Variants in ANKRD17 observed in about 807,000 individuals in gnomAD.
The protein encoded by ANKRD17 is ankyrin repeat domain-containing protein 17.
A neutral mutation model predicts 229.7 loss-of-function variants in ANKRD17; 19 were observed. That is an observed-to-expected ratio of 0.08 (90% CI 0.06 to 0.12). ANKRD17 has a LOEUF of 0.12. Among genes scored for constraint, ANKRD17 ranks in the 10% least tolerant of loss-of-function variants. The pLI is 1.00. For missense variants in ANKRD17, 2,176 were observed against 3,176.8 expected, an observed-to-expected ratio of 0.68 and a Z score of 7.57; for synonymous variants, 1,112 against 1,146.1, an observed-to-expected ratio of 0.97 and a Z score of 0.60.
Position 73,094,239 on chromosome 4 carries a change from G to A in ANKRD17, c.5178-11C>T, listed in dbSNP as rs1723063378. Reference sequence around the variant, plus strand: ...GATACTTTCTTTGACCTGTTTAAAAGTTGTATATATAAATTAAGATTAGTC... The same window carrying A: ...GATACTTTCTTTGACCTGTTTAAAAATTGTATATATAAATTAAGATTAGTC... On this transcript the variant is annotated splice_polypyrimidine_tract_variant and intron_variant, in intron 27 of 33. Transcript: ENST00000358602. 6.2e-7 allele frequency: 1 copy of A among 1,606,370 alleles called. No homozygotes were observed. The highest frequency in any genetic ancestry group is 8.5e-7 in the Non-Finnish European group (1 of 1,174,442).
At chr4:73,106,782 G>A (rs1207687401) in intron 24 of ANKRD17, among the ~76,000 whole-genome samples, 1 of 150,414 alleles carries the variant, frequency 6.6e-6, no homozygotes, top group Non-Finnish European at 1.5e-5. Flanking sequence ...GGCAGGCTGA[G>A]GCAGGAGAAT....
rs78306484 is a variant in ANKRD17, at chr4:73,160,057, C to T, written c.704+1135G>A. On this transcript the variant is annotated intron_variant, in intron 3 of 33. Transcript: ENST00000358602. ...AACCCAAATAGAATATTCAGATGTT[C>T]TCAATTGTTTTAAGGCAATTGCTAA... Among the ~76,000 whole-genome samples the T allele has an allele frequency of 3.3e-3, 499 of 152,200 alleles. 1 individual carries two copies. Among genetic ancestry groups the T allele is most frequent in the Non-Finnish European group, 5.2e-3 (354 of 67,998 alleles).
Position 73,078,653 on chromosome 4 carries a change from C to T in ANKRD17, c.7397G>A (p.Gly2466Asp). 6.2e-7 allele frequency: 1 copy of T among 1,614,108 alleles called. No homozygotes were observed. The highest frequency in any genetic ancestry group is 2.2e-5 in the East Asian group (1 of 44,880). ...ACAGAATATCCTACCTTGATTGCCA[C>T]CAATCCCTTCAAAGGACCAGATGCC... The part of the protein sequence containing the change: ...HSGIWSFEGI[G>D]GNQDKVDWCN... The change falls in exon 31 of 34, where the codon GGT (glycine) becomes GAT (aspartate). Residue 2466 changes from glycine (G) to aspartate (D), a missense_variant. Coordinates refer to ENST00000358602, the MANE Select transcript of ANKRD17 (RefSeq NM_032217.5).
chr4:73,116,577 T>C (rs28776801), intron 22 of ANKRD17, among the ~76,000 whole-genome samples: 34,583 of 152,058 alleles, frequency 0.23, 5,257 homozygotes, highest in African/African-American at 0.43. Flanking sequence ...ATATTTTTTC[T>C]ATTGCCTCTA....
chr4:73,091,615 T>G lies in ANKRD17; in HGVS notation c.6013A>C (p.Thr2005Pro). The part of the protein sequence containing the change: ...RRQLFVTVVK[T>P]SNATTTTVTT... ...ACTGTTGTTGTGGTGGCATTGGATG[T>G]CTTCACAACTGTGACAAAAAGCTGC... is the stretch of plus-strand genomic sequence containing the variant. The change falls in exon 29 of 34, where the codon ACA becomes CCA. Residue 2005 changes from threonine (T) to proline (P), a missense_variant. Thr to Pro is a conservative substitution (Grantham distance 38). This residue lies in a region of ANKRD17 where 424 missense variants were observed against 454.0 expected (regional missense o/e 0.93). Transcript: ENST00000358602. The G allele has an allele frequency of 6.2e-7, 1 of 1,614,204 alleles. No homozygotes were observed.
chr4:73,172,906 T>C (rs371432173), intron 2 of ANKRD17, among the ~76,000 whole-genome samples: 1 of 152,168 alleles, frequency 6.6e-6, no homozygotes, highest in African/African-American at 2.4e-5. Flanking sequence ...AAGTTAACAA[T>C]ACAAAACAAC....
chr4:73,214,772 G>A (rs1740779080), intron 1 of ANKRD17, among the ~76,000 whole-genome samples: 1 of 146,616 alleles, frequency 6.8e-6, no homozygotes, highest in South Asian at 2.1e-4. Flanking sequence ...AGGAGCCTGA[G>A]ACTCCTAAAA....
chr4:73,154,116 A>G lies in ANKRD17; in HGVS notation c.1001-3T>C. The G allele has an allele frequency of 6.5e-7, 1 of 1,528,772 alleles. No individual in the cohort carries two copies. Among genetic ancestry groups the G allele is most frequent in the Non-Finnish European group, 8.8e-7 (1 of 1,141,348 alleles). 94.7% of individuals were successfully genotyped at this position (1,528,772 alleles called of 1,614,324 possible). A position where few individuals can be genotyped will look rare whatever the true frequency, so the allele number is the denominator to read the frequency against. ...AGCATATGTAAGTGCTGTATTGCCT[A>G]TTTTAATTAGGAAAAATAAAAAGAC... On this transcript the variant is annotated splice_region_variant and splice_polypyrimidine_tract_variant and intron_variant, in intron 5 of 33. Transcript: ENST00000358602.
At chr4:73,170,001 A>G (rs1028375983) in intron 2 of ANKRD17, among the ~76,000 whole-genome samples, 1 of 152,144 alleles carries the variant, frequency 6.6e-6, no homozygotes, top group Non-Finnish European at 1.5e-5. Flanking sequence ...AGTCTAAGTC[A>G]CAGGACTGCA....
chr4:73,183,463 G>GT (rs544157841), intron 1 of ANKRD17, among the ~76,000 whole-genome samples: 22 of 151,596 alleles, frequency 1.5e-4, no homozygotes, highest in African/African-American at 1.9e-4. Context: ...GTTTTGTTTT[G>GT]TTTTTTTTGA....
intron 2 of ANKRD17, among the ~76,000 whole-genome samples, chr4:73,173,309 A>C (rs946730986): frequency 2.0e-5 from 3 of 152,368 alleles, no homozygotes; most frequent in East Asian, 3.9e-4. Context: ...TAAATACTAG[A>C]GCTAAAGGTA....
chr4:73,086,907 AAAAAAAAAAAAAATATATATATATAT>A (rs1722193541), intron 29 of ANKRD17, among the ~76,000 whole-genome samples: 1 of 35,990 alleles, frequency 2.8e-5, no homozygotes, highest in Admixed American at 3.3e-4. Flanking sequence ...CAAAAAAAAA[AAAAAAAAAAAAAATATATATATATAT>A]ATATATATAT....
In ANKRD17 at chr4:73,159,302, G is replaced by GTC. The variant is rs912167669; in HGVS notation, c.704+1888_704+1889dup. Among the ~76,000 whole-genome samples, 5 of 152,160 alleles carry GTC rather than the reference G, an allele frequency of 3.3e-5. No individual in the cohort carries two copies. The South Asian group carries it at 8.3e-4, about 25-fold the overall frequency. On this transcript the variant is annotated intron_variant, in intron 3 of 33. Transcript: ENST00000358602. ...CATACCTTTTCTCTCTTTCAAAGTA[G>GTC]TCTCTCTCTGTCTCTTTCACTTCTT...
chr4:73,159,118 C>A (rs993231491), intron 3 of ANKRD17, among the ~76,000 whole-genome samples: 1 of 152,196 alleles, frequency 6.6e-6, no homozygotes, highest in Non-Finnish European at 1.5e-5. Context: ...TGTCCCCTTA[C>A]CAAAGTGAAA....
chr4:73,160,210 C>CTTTTTTTTTTTTTTTTTTTT (rs144486458), intron 3 of ANKRD17, among the ~76,000 whole-genome samples: 1 of 61,562 alleles, frequency 1.6e-5, no homozygotes, highest in Non-Finnish European at 2.9e-5. Flanking sequence ...TTTCTTATCA[C>CTTTTTTTTTTTTTTTTTTTT]TTTTTTTTTT....
At position 73,151,424 on chromosome 4, in the gene ANKRD17, T is replaced by A. The variant is rs1231241837; in HGVS notation, c.1329+6A>T. 2 of 1,611,260 alleles carry A rather than the reference T, an allele frequency of 1.2e-6. No individual in the cohort carries two copies. The highest frequency in any genetic ancestry group is 1.7e-6 in the Non-Finnish European group (2 of 1,178,626). ...AAACATATTTGACATATTTCACCAA[T>A]CTTACCATGCAAGCCTCCATCAGAG... On this transcript the variant is annotated splice_donor_region_variant and intron_variant, in intron 7 of 33. Coordinates refer to ENST00000358602, the MANE Select transcript of ANKRD17 (RefSeq NM_032217.5).
At chr4:73,145,168 T>C (rs1465026336) in intron 10 of ANKRD17, among the ~76,000 whole-genome samples, 1 of 152,164 alleles carries the variant, frequency 6.6e-6, no homozygotes, top group Non-Finnish European at 1.5e-5. Context: ...GGTACTTGAA[T>C]ATGCATGTAT....
At chr4:73,173,426 A>C (rs771864346) in intron 2 of ANKRD17, among the ~76,000 whole-genome samples, 3 of 152,192 alleles carry the variant, frequency 2.0e-5, no homozygotes, top group Non-Finnish European at 4.4e-5. Context: ...GGACTTAGAA[A>C]GAAAGATGGC....
At chr4:73,077,580 T>C (rs1290462831) in intron 31 of ANKRD17, 47 bp from the exon 32 acceptor site, 5 of 1,456,926 alleles carry the variant, frequency 3.4e-6, no homozygotes, top group Non-Finnish European at 4.6e-6. Context: ...ATATTTAAAA[T>C]CAAAATCAAA....
Sources: gnomAD v4.1 joint callset for allele counts (sites outside exome capture counted in the v4.1 genomes callset) on GRCh38, gnomAD v4.1.1 for gene constraint, gnomAD v4.1.1 regional missense constraint, MANE v1.5 for transcripts, NCBI Gene and HGNC (gene_info 2026-07-23, HGNC 2026-07-21) for gene names.